UBAC2: variants seen among roughly 807,000 people sequenced by gnomAD.
The protein encoded by UBAC2 is ubiquitin-associated domain-containing protein 2.
A neutral mutation model predicts 44.0 loss-of-function variants in UBAC2; 26 were observed. The observed-to-expected ratio is 0.59, with a 90% CI of 0.43 to 0.82. The LOEUF (loss-of-function observed/expected upper bound fraction) is 0.82, where lower values mean the gene tolerates loss of function less well. Ranked by LOEUF, UBAC2 falls within the 40% of genes least tolerant of loss-of-function variation. UBAC2 has a pLI of 0.00. For missense variants in UBAC2, 329 were observed against 419.4 expected (o/e 0.78, Z 1.88); for synonymous variants, 155 against 154.3 (o/e 1.00, Z -0.04).
chr13:99,307,373 G>A (rs1412174691), intron 4 of UBAC2: 1 of 152,092 alleles, frequency 6.6e-6, no homozygotes, highest in Non-Finnish European at 1.5e-5. Context: ...CTGTGTAGTA[G>A]CTGTGAGTAG....
chr13:99,257,238 A>G (rs2043579831), intron 4 of UBAC2, among the ~76,000 whole-genome samples: 1 of 152,230 alleles, frequency 6.6e-6, no homozygotes, highest in Non-Finnish European at 1.5e-5. Flanking sequence ...ATTTCTATCA[A>G]ATGAGGAAAG....
intron 4 of UBAC2, among the ~76,000 whole-genome samples, chr13:99,262,616 T>A (rs1358086862): frequency 1.4e-5 from 2 of 142,896 alleles, no homozygotes. Flanking sequence ...GGCAGGAGAA[T>A]CGCTTGAACC....
intron 4 of UBAC2, among the ~76,000 whole-genome samples, chr13:99,287,488 G>T (rs926436988): frequency 1.3e-5 from 2 of 151,896 alleles, no homozygotes; most frequent in African/African-American, 4.8e-5. Context: ...GCAGTGGCAC[G>T]ATCATGACTA....
At chr13:99,317,959 A>T in intron 5 of UBAC2, 63 bp from the exon 6 acceptor site, 1 of 1,337,916 alleles carries the variant, frequency 7.5e-7, no homozygotes, top group South Asian at 1.2e-5. Context: ...TTATGTAAAA[A>T]TAAGTGTGCT....
At chr13:99,251,935 C>T (rs528657796) in intron 4 of UBAC2, among the ~76,000 whole-genome samples, 2 of 152,276 alleles carry the variant, frequency 1.3e-5, no homozygotes, top group East Asian at 1.9e-4. Flanking sequence ...CCATGTATTG[C>T]TTTTCTTAAG....
chr13:99,347,070 G>C (rs1425379557), intron 7 of UBAC2, among the ~76,000 whole-genome samples: 1 of 152,000 alleles, frequency 6.6e-6, no homozygotes, highest in African/African-American at 2.4e-5. Context: ...TTGAGCCCAG[G>C]AGTTTGAGAC....
chr13:99,203,851 T>C lies in UBAC2; in HGVS notation c.31+2912T>C, dbSNP rs548488122. Among the ~76,000 whole-genome samples, 3 of 152,342 alleles carry C rather than the reference T, an allele frequency of 2.0e-5. 1 individual carries two copies. In the South Asian group the frequency reaches 6.2e-4, roughly 32 times the overall value. On this transcript the variant is annotated intron_variant, in intron 1 of 8. Coordinates refer to ENST00000403766, the MANE Select transcript of UBAC2 (RefSeq NM_001144072.2). The stretch of plus-strand genomic sequence containing the variant: ...CCATATCAGAGTTTGTTGAAAACTC[T>C]TCATTTTGAAGAAAGGGGACAGCAA...
chr13:99,302,510 C>T (rs1207902842), intron 4 of UBAC2, among the ~76,000 whole-genome samples: 2 of 152,194 alleles, frequency 1.3e-5, no homozygotes, highest in Non-Finnish European at 2.9e-5. Flanking sequence ...AAGTATTTGT[C>T]AATTATTTGA....
intron 1 of UBAC2, among the ~76,000 whole-genome samples, chr13:99,235,199 A>G (rs1253195174): frequency 2.0e-5 from 3 of 152,192 alleles, no homozygotes; most frequent in Admixed American, 1.3e-4. Flanking sequence ...TTTTAAAAAC[A>G]AAACACCCAG....
intron 6 of UBAC2, among the ~76,000 whole-genome samples, chr13:99,337,803 G>A (rs897385620): frequency 6.6e-6 from 1 of 152,044 alleles, no homozygotes; most frequent in East Asian, 1.9e-4. Context: ...AGGGGAGAAA[G>A]GGTACATGGA....
intron 7 of UBAC2, among the ~76,000 whole-genome samples, chr13:99,342,387 G>T (rs1412448697): frequency 2.6e-5 from 4 of 152,174 alleles, no homozygotes; most frequent in Non-Finnish European, 4.4e-5. Flanking sequence ...CAGGGGCAAG[G>T]GGTGGGAGAC....
intron 8 of UBAC2, among the ~76,000 whole-genome samples, chr13:99,382,300 G>C (rs2045562099): frequency 2.0e-5 from 3 of 152,188 alleles, no homozygotes; most frequent in African/African-American, 4.8e-5. Flanking sequence ...TAGAGTCCTA[G>C]ACTTAAAAGG....
At chr13:99,244,045 TAC>T in intron 3 of UBAC2, 94 bp downstream of exon 3, 2 of 1,060,556 alleles carry the variant, frequency 1.9e-6, no homozygotes, top group Non-Finnish European at 2.6e-6. Context: ...TGTTGTTATT[TAC>T]AGTTATCTTT....
intron 4 of UBAC2, among the ~76,000 whole-genome samples, chr13:99,260,748 A>G (rs982242802): frequency 6.6e-6 from 1 of 152,178 alleles, no homozygotes; most frequent in African/African-American, 2.4e-5. Context: ...GAACTTATTC[A>G]GGGACCATTC....
chr13:99,380,033 G>C (rs539005831), intron 8 of UBAC2, among the ~76,000 whole-genome samples: 4 of 152,304 alleles, frequency 2.6e-5, no homozygotes, highest in African/African-American at 9.6e-5. Context: ...GAAAAGGCAT[G>C]TCACAGCTGA....
intron 4 of UBAC2, chr13:99,261,597 G>T (rs1341667146): frequency 6.6e-6 from 1 of 152,116 alleles, no homozygotes; most frequent in Non-Finnish European, 1.5e-5. Context: ...AAGATGTATA[G>T]ACATGTAGAC....
intron 1 of UBAC2, among the ~76,000 whole-genome samples, chr13:99,229,035 G>A (rs1372600029): frequency 6.6e-6 from 1 of 152,212 alleles, no homozygotes; most frequent in Non-Finnish European, 1.5e-5. Flanking sequence ...AGGCTTTTCT[G>A]TGATCTTGGC....
chr13:99,366,609 A>G (rs572307598), intron 7 of UBAC2, among the ~76,000 whole-genome samples: 2 of 141,646 alleles, frequency 1.4e-5, no homozygotes, highest in South Asian at 2.3e-4. Context: ...CTCCGGGGGA[A>G]GACAGGCTTT....
chr13:99,242,194 C>T (rs1278344037), intron 2 of UBAC2, among the ~76,000 whole-genome samples: 4 of 151,854 alleles, frequency 2.6e-5, no homozygotes, highest in Non-Finnish European at 4.4e-5. Context: ...ACCTTTCCCC[C>T]CCTTCTATTC....
Sources: gnomAD v4.1 joint callset for allele counts (sites outside exome capture counted in the v4.1 genomes callset) on GRCh38, gnomAD v4.1.1 for gene constraint, MANE v1.5 for transcripts, NCBI Gene and HGNC (gene_info 2026-07-23, HGNC 2026-07-21) for gene names.